Variants in DNM3 observed in about 807,000 individuals in gnomAD.
DNM3 encodes dynamin-3.
In DNM3, 47 loss-of-function variants were observed where a neutral mutation model predicts 101.6. The ratio of observed to expected loss-of-function variants is 0.46; its 90% CI spans 0.37 to 0.59. The LOEUF (loss-of-function observed/expected upper bound fraction) is 0.59, where lower values mean the gene tolerates loss of function less well. Among genes scored for constraint, DNM3 ranks in the 20% least tolerant of loss-of-function variants. DNM3 has a pLI of 0.00. For missense variants in DNM3, 849 were observed against 1,085.7 expected (o/e 0.78, Z 3.06); for synonymous variants, 385 against 387.9 (o/e 0.99, Z 0.09).
intron 15 of DNM3, among the ~76,000 whole-genome samples, chr1:172,299,399 C>T (rs552145878): frequency 1.3e-5 from 2 of 152,258 alleles, no homozygotes; most frequent in African/African-American, 4.8e-5. Flanking sequence ...TATTTAATAT[C>T]AACTTACTTT....
At chr1:172,134,757 A>G (rs1455280113) in intron 14 of DNM3, among the ~76,000 whole-genome samples, 2 of 152,114 alleles carry the variant, frequency 1.3e-5, no homozygotes, top group South Asian at 2.1e-4. Context: ...GTTGACATAG[A>G]GTGTCTGGGA....
At chr1:172,059,712 A>G (rs2050995080) in intron 10 of DNM3, among the ~76,000 whole-genome samples, 1 of 134,286 alleles carries the variant, frequency 7.4e-6, no homozygotes, top group Non-Finnish European at 1.6e-5. Flanking sequence ...AATAAGAGCT[A>G]TCTATGACAA....
chr1:171,895,822 G>A (rs2037739174), intron 1 of DNM3, among the ~76,000 whole-genome samples: 1 of 152,116 alleles, frequency 6.6e-6, no homozygotes, highest in Non-Finnish European at 1.5e-5. Flanking sequence ...TGTATAAGAT[G>A]TAAGGAAGGG....
rs971267559 is a variant in DNM3, at chr1:172,411,253, G to T, written c.*3412G>T. The T allele has an allele frequency of 2.4e-5, 24 of 984,860 alleles. No homozygotes were observed. In the South Asian group the frequency reaches 7.5e-4, roughly 31 times the overall value. The allele number at this position is 984,860 out of a possible 1,614,324, so 61.0% of individuals were successfully genotyped here. ...GTTCATTTCTCATAACATATATGAG[G>T]TATACAAAATTTTCTAACTCCAGAT... On this transcript the variant is annotated 3_prime_UTR_variant, in exon 21 of 21. Coordinates refer to ENST00000627582, the MANE Select transcript of DNM3 (RefSeq NM_015569.5).
At chr1:172,385,696 A>G (rs1043133775) in intron 18 of DNM3, among the ~76,000 whole-genome samples, 2 of 152,260 alleles carry the variant, frequency 1.3e-5, no homozygotes, top group African/African-American at 4.8e-5. Flanking sequence ...AAATTTAACC[A>G]TATCCTAGAA....
intron 14 of DNM3, among the ~76,000 whole-genome samples, chr1:172,202,768 A>G (rs2060197014): frequency 6.6e-6 from 1 of 152,184 alleles, no homozygotes; most frequent in African/African-American, 2.4e-5. Flanking sequence ...TACATTTGAT[A>G]AAGGTTTAAT....
At chr1:172,237,585 G>C (rs550652052) in intron 14 of DNM3, among the ~76,000 whole-genome samples, 1 of 152,032 alleles carries the variant, frequency 6.6e-6, no homozygotes, top group South Asian at 2.1e-4. Context: ...TAAAACTTGG[G>C]TAATGTACAA....
rs9425578 is a variant in DNM3, at chr1:172,367,331, A to G, written c.1894-11687A>G. ...AACTGAGGAAATTCATCACCACTAG[A>G]CCAGCATTACAAAAATTATTAAAGA... is the stretch of plus-strand genomic sequence containing the variant. On this transcript the variant is annotated intron_variant, in intron 17 of 20. Coordinates refer to ENST00000627582, the MANE Select transcript of DNM3 (RefSeq NM_015569.5). Among the ~76,000 whole-genome samples, 491 of 152,024 alleles carry G rather than the reference A, an allele frequency of 3.2e-3. 2 individuals carry two copies. Among genetic ancestry groups the G allele is most frequent in the African/African-American group, 0.011 (466 of 41,540 alleles).
At chr1:172,199,810 AG>A (rs34350163) in intron 14 of DNM3, among the ~76,000 whole-genome samples, 75,757 of 151,754 alleles carry the variant, frequency 0.5, 20,940 homozygotes, top group African/African-American at 0.74. Context: ...CATGTGAGAT[AG>A]CATGTAATGA....
chr1:172,061,328 C>T (rs1558505390), intron 10 of DNM3, among the ~76,000 whole-genome samples: 2 of 143,684 alleles, frequency 1.4e-5, no homozygotes, highest in Non-Finnish European at 3.0e-5. Context: ...TACCATTTGA[C>T]CCAGCCATCC....
Position 172,337,895 on chromosome 1 carries a change from T to TATTTTA in DNM3, c.1893+14556_1893+14561dup, listed in dbSNP as rs1553238015. Among the ~76,000 whole-genome samples, 1,194 of 141,148 alleles carry TATTTTA rather than the reference T, an allele frequency of 8.5e-3. 30 individuals are homozygous for TATTTTA. Among genetic ancestry groups the TATTTTA allele is most frequent in the African/African-American group, 0.03 (1,126 of 37,734 alleles). 92.6% of individuals were successfully genotyped at this position (141,148 alleles called of 152,430 possible). A position where few individuals can be genotyped will look rare whatever the true frequency, so the allele number is the denominator to read the frequency against. The stretch of plus-strand genomic sequence containing the variant: ...TATTTTATTTTATTTTATTTTATTT[T>TATTTTA]ATTTTATTTTATTTTATTTTATTTT... On this transcript the variant is annotated intron_variant, in intron 17 of 20. Transcript: ENST00000627582.
At chr1:172,143,117 A>C (rs1050156385) in intron 14 of DNM3, among the ~76,000 whole-genome samples, 2 of 152,164 alleles carry the variant, frequency 1.3e-5, no homozygotes, top group Non-Finnish European at 2.9e-5. Flanking sequence ...GGTAATTTTT[A>C]AAGTAAGTTG....
intron 13 of DNM3, among the ~76,000 whole-genome samples, chr1:172,102,331 T>C (rs1259592381): frequency 1.3e-5 from 2 of 152,162 alleles, no homozygotes; most frequent in African/African-American, 2.4e-5. Context: ...TTGTAAAATA[T>C]AATAATCATT....
At chr1:172,036,589 C>T (rs1266211932) in intron 6 of DNM3, among the ~76,000 whole-genome samples, 1 of 152,046 alleles carries the variant, frequency 6.6e-6, no homozygotes, top group African/African-American at 2.4e-5. Context: ...ACTGGCTAGC[C>T]ATAGGTAGAA....
chr1:172,310,748 A>G (rs1394746635), intron 16 of DNM3: 1 of 152,314 alleles, frequency 6.6e-6, no homozygotes, highest in Admixed American at 6.5e-5. Flanking sequence ...TAACAAGGAA[A>G]GAGGTCAGGG....
chr1:171,862,971 G>A (rs1203323477), intron 1 of DNM3, among the ~76,000 whole-genome samples: 1 of 151,648 alleles, frequency 6.6e-6, no homozygotes, highest in Non-Finnish European at 1.5e-5. Flanking sequence ...AATGAGAGGT[G>A]AATAAATGGG....
chr1:171,959,057 T>C (rs994759360), intron 2 of DNM3, among the ~76,000 whole-genome samples: 1 of 152,116 alleles, frequency 6.6e-6, no homozygotes, highest in East Asian at 1.9e-4. Flanking sequence ...GAAAAATGTG[T>C]TGGTTAGAGA....
chr1:171,998,130 G>A (rs1246631809), intron 4 of DNM3, among the ~76,000 whole-genome samples: 1 of 152,136 alleles, frequency 6.6e-6, no homozygotes, highest in Non-Finnish European at 1.5e-5. Context: ...GATGCCAATA[G>A]TGTAATTCTT....
intron 1 of DNM3, among the ~76,000 whole-genome samples, chr1:171,863,584 C>A (rs530428455): frequency 6.6e-6 from 1 of 152,114 alleles, no homozygotes; most frequent in Admixed American, 6.5e-5. Context: ...CTGCTAAAAT[C>A]CCTGTTACCC....
Sources: allele counts gnomAD v4.1 joint callset (sites outside exome capture counted in the v4.1 genomes callset), GRCh38; gene constraint gnomAD v4.1.1; transcripts MANE v1.5; gene names NCBI Gene and HGNC (gene_info 2026-07-23, HGNC 2026-07-21).